NDST3: variants seen among roughly 807,000 people sequenced by gnomAD.
The protein encoded by NDST3 is N-deacetylase and N-sulfotransferase 3.
Under a neutral mutation model 96.1 loss-of-function variants are expected in NDST3, and 58 were observed. That is an observed-to-expected ratio of 0.60 (90% CI 0.49 to 0.75). The LOEUF (loss-of-function observed/expected upper bound fraction) is 0.75. Among genes scored for constraint, NDST3 ranks in the 30% least tolerant of loss-of-function variants. The probability of loss-of-function intolerance (pLI) is 0.00; values close to 1 mark genes in which losing one functional copy is unlikely to be tolerated. For synonymous variants in NDST3, 333 were observed against 359.7 expected, an observed-to-expected ratio of 0.93 and a Z score of 0.84; for missense variants, 788 against 1,034.2, an observed-to-expected ratio of 0.76 and a Z score of 3.27.
At chr4:118,137,912 C>T in intron 4 of NDST3, 142 bp from the exon 5 acceptor site, 1 of 696,328 alleles carries the variant, frequency 1.4e-6, no homozygotes, top group Non-Finnish European at 2.2e-6. Context: ...GGTGTTAATA[C>T]TTATATCACT....
intron 2 of NDST3, among the ~76,000 whole-genome samples, chr4:118,062,454 C>T (rs544788497): frequency 5.3e-5 from 8 of 152,040 alleles, no homozygotes; most frequent in Non-Finnish European, 1.2e-4. Context: ...TTCTCTCCCT[C>T]CCTCTCCCTC....
intron 8 of NDST3, among the ~76,000 whole-genome samples, chr4:118,230,482 G>C (rs1313377748): frequency 6.6e-6 from 1 of 152,116 alleles, no homozygotes; most frequent in East Asian, 1.9e-4. Context: ...GGCTGAGGAA[G>C]GAGAATGGCG....
At chr4:118,216,687 G>A (rs972169135) in intron 6 of NDST3, among the ~76,000 whole-genome samples, 4 of 152,080 alleles carry the variant, frequency 2.6e-5, no homozygotes, top group African/African-American at 9.7e-5. Flanking sequence ...GAAATGGACA[G>A]TAAGAAAATA....
At chr4:118,176,175 T>A (rs893148490) in intron 6 of NDST3, among the ~76,000 whole-genome samples, 6 of 151,690 alleles carry the variant, frequency 4.0e-5, no homozygotes, top group Non-Finnish European at 7.4e-5. Flanking sequence ...TGAATTTAAG[T>A]CTTAAAAAAA....
intron 12 of NDST3, among the ~76,000 whole-genome samples, chr4:118,243,064 T>C (rs1281475441): frequency 6.6e-6 from 1 of 152,160 alleles, no homozygotes; most frequent in Non-Finnish European, 1.5e-5. Context: ...GATTGGGTCA[T>C]GGACCTGACT....
intron 6 of NDST3, among the ~76,000 whole-genome samples, chr4:118,220,301 T>C (rs1223015592): frequency 6.6e-6 from 1 of 152,012 alleles, no homozygotes; most frequent in Non-Finnish European, 1.5e-5. Flanking sequence ...ATCATGTCCT[T>C]GGCAAGGACA....
chr4:118,127,767 T>C (rs1732240220), intron 4 of NDST3, among the ~76,000 whole-genome samples: 1 of 152,122 alleles, frequency 6.6e-6, no homozygotes, highest in Non-Finnish European at 1.5e-5. Context: ...ATTGAATCTG[T>C]AGATTGCTTT....
chr4:118,233,868 A>G (rs1740469539), intron 9 of NDST3, among the ~76,000 whole-genome samples: 1 of 152,202 alleles, frequency 6.6e-6, no homozygotes, highest in South Asian at 2.1e-4. Flanking sequence ...TATATTTTGC[A>G]TGTATTTTAG....
intron 2 of NDST3, among the ~76,000 whole-genome samples, chr4:118,084,023 C>T (rs971577474): frequency 6.6e-6 from 1 of 152,110 alleles, no homozygotes; most frequent in African/African-American, 2.4e-5. Flanking sequence ...CACCTGTATT[C>T]TTCTAAAAAT....
chr4:118,079,591 G>C (rs1727847980), intron 2 of NDST3, among the ~76,000 whole-genome samples: 1 of 152,162 alleles, frequency 6.6e-6, no homozygotes, highest in Non-Finnish European at 1.5e-5. Context: ...AAAACAGACA[G>C]GAACCAGATT....
intron 6 of NDST3, among the ~76,000 whole-genome samples, chr4:118,184,640 CACAT>C (rs1031417231): frequency 2.0e-5 from 3 of 150,756 alleles, no homozygotes; most frequent in Admixed American, 1.3e-4. Context: ...CACACACACA[CACAT>C]ATTCTCTGTC....
chr4:118,193,448 C>A, intron 6 of NDST3: 1 of 728,604 alleles, frequency 1.4e-6, no homozygotes. Context: ...TGTGGTGTTG[C>A]TCTTCTGCTC....
At chr4:118,139,109 A>G (rs991975044) in intron 5 of NDST3, among the ~76,000 whole-genome samples, 1 of 152,190 alleles carries the variant, frequency 6.6e-6, no homozygotes, top group African/African-American at 2.4e-5. Context: ...GGATAGACAT[A>G]TAGCTTAGAT....
chr4:118,207,875 G>C (rs1738530766), intron 6 of NDST3, among the ~76,000 whole-genome samples: 1 of 144,510 alleles, frequency 6.9e-6, no homozygotes, highest in Admixed American at 6.8e-5. Flanking sequence ...TTGACATTTA[G>C]TCAAGATTGA....
intron 10 of NDST3, 82 bp from the exon 11 acceptor site, chr4:118,240,442 T>G (rs978538437): frequency 8.1e-6 from 10 of 1,232,934 alleles, no homozygotes; most frequent in Non-Finnish European, 9.8e-6. Flanking sequence ...TTCTTTAGCT[T>G]TGAGACTTGT....
intron 2 of NDST3, among the ~76,000 whole-genome samples, chr4:118,060,963 T>C (rs1466749678): frequency 2.0e-5 from 3 of 152,152 alleles, no homozygotes; most frequent in Non-Finnish European, 4.4e-5. Flanking sequence ...ACTGTTTCCT[T>C]TGCCAACTGT....
chr4:118,168,290 G>A (rs764024007), intron 6 of NDST3, among the ~76,000 whole-genome samples: 8 of 151,852 alleles, frequency 5.3e-5, no homozygotes, highest in East Asian at 1.9e-4. Flanking sequence ...CTCCAAAGAC[G>A]ACATGACCAA....
At chr4:118,126,883 A>G (rs1437529109) in intron 4 of NDST3, among the ~76,000 whole-genome samples, 1 of 151,992 alleles carries the variant, frequency 6.6e-6, no homozygotes, top group Non-Finnish European at 1.5e-5. Flanking sequence ...GAGAAAAGCC[A>G]TTTTAACTGG....
chr4:118,149,482 G>A lies in NDST3; in HGVS notation c.1539+5798G>A, dbSNP rs1053119290. On this transcript the variant is annotated intron_variant, in intron 6 of 13. Coordinates refer to ENST00000296499, the MANE Select transcript of NDST3 (RefSeq NM_004784.3). ...AAGAGGTCCTTCACATCCCTTGTAAGTTGGATTCCGAGGTATTTTATTCTC... is the reference window on the plus strand; with the variant it reads ...AAGAGGTCCTTCACATCCCTTGTAAATTGGATTCCGAGGTATTTTATTCTC... Among the ~76,000 whole-genome samples the A allele has an allele frequency of 6.5e-4, 89 of 137,824 alleles. 1 individual carries two copies. Among genetic ancestry groups the A allele is most frequent in the African/African-American group, 1.9e-3 (78 of 40,616 alleles). The allele number at this position is 137,824 out of a possible 152,430, so 90.4% of individuals were successfully genotyped here.
Sources: gnomAD v4.1 joint callset for allele counts (sites outside exome capture counted in the v4.1 genomes callset) on GRCh38, gnomAD v4.1.1 for gene constraint, MANE v1.5 for transcripts, NCBI Gene and HGNC (gene_info 2026-07-23, HGNC 2026-07-21) for gene names.